Variants in RHOBTB1 observed in about 807,000 individuals in gnomAD.
The protein encoded by RHOBTB1 is rho-related BTB domain-containing protein 1.
RHOBTB1 carries 40 observed loss-of-function variants against 71.6 expected under a neutral mutation model. The ratio of observed to expected loss-of-function variants is 0.56; its 90% CI spans 0.43 to 0.73. RHOBTB1 has a LOEUF of 0.73. Among genes scored for constraint, RHOBTB1 ranks in the 30% least tolerant of loss-of-function variants. The pLI, the probability that RHOBTB1 is intolerant of heterozygous loss-of-function variation, is 0.00. For missense variants in RHOBTB1, 797 were observed against 894.0 expected (o/e 0.89, Z 1.38); for synonymous variants, 319 against 334.9 (o/e 0.95, Z 0.52).
At chr10:60,963,328 G>T (rs1014936748) in intron 2 of RHOBTB1, among the ~76,000 whole-genome samples, 2 of 152,098 alleles carry the variant, frequency 1.3e-5, no homozygotes, top group Non-Finnish European at 2.9e-5. Flanking sequence ...AATTTCAGAC[G>T]ATGAAAGTGA....
Position 60,878,048 on chromosome 10 carries a change from G to C in RHOBTB1, c.1586C>G (p.Pro529Arg), listed in dbSNP as rs776476395. ...TTGCATTGATATCTTGTTTATGTTC[G>C]GGAGATACACCTGAAATGTTATACA... is the stretch of plus-strand genomic sequence containing the variant. ...VESANSEVYLPNINKISMQAV... is the reference protein window; with the variant it reads ...VESANSEVYLRNINKISMQAV... The change falls in exon 8 of 11, where the codon CCG (proline) becomes CGG (arginine). Residue 529 changes from proline to arginine, a missense_variant. Around this residue, in one of 2 missense-constraint regions of RHOBTB1, gnomAD observed 658 missense variants for 681.5 expected, o/e 0.97. Coordinates refer to ENST00000337910, the MANE Select transcript of RHOBTB1 (RefSeq NM_014836.5). 1 of 1,610,164 alleles carries C rather than the reference G, an allele frequency of 6.2e-7. No homozygotes were observed. Among genetic ancestry groups the C allele is most frequent in the African/African-American group, 1.3e-5 (1 of 74,730 alleles).
At chr10:60,982,100 A>C (rs2086515581) in intron 2 of RHOBTB1, among the ~76,000 whole-genome samples, 1 of 152,038 alleles carries the variant, frequency 6.6e-6, no homozygotes, top group Non-Finnish European at 1.5e-5. Flanking sequence ...GTCTTTTTCT[A>C]TTTCTTCCAA....
At chr10:60,909,957 C>T (rs1376637294) in intron 4 of RHOBTB1, among the ~76,000 whole-genome samples, 4 of 152,164 alleles carry the variant, frequency 2.6e-5, no homozygotes, top group African/African-American at 9.7e-5. Flanking sequence ...CAAAGAGCTA[C>T]TGGCTTGTAG....
At chr10:60,910,779 A>G in intron 4 of RHOBTB1, 108 bp downstream of exon 4, 1 of 756,354 alleles carries the variant, frequency 1.3e-6, no homozygotes, top group Non-Finnish European at 2.3e-6. Context: ...AGAACCCAGC[A>G]CATTTCAAGG....
At chr10:60,953,952 G>A (rs886560689) in intron 2 of RHOBTB1, among the ~76,000 whole-genome samples, 4 of 137,796 alleles carry the variant, frequency 2.9e-5, no homozygotes, top group African/African-American at 1.1e-4. Context: ...TATATAAAGT[G>A]TAATTTTAAG....
rs1473875638 is a variant in RHOBTB1, at chr10:60,869,589, C to A, written c.*1893G>T. ...ACACTAGTGGATATTATTGCTTATA[C>A]CCCAAGTTCATTTATACATCCATTA... On this transcript the variant is annotated 3_prime_UTR_variant, in exon 11 of 11. Transcript: ENST00000337910. 1.3e-5 allele frequency: 2 copies of A among 152,594 alleles called. No individual in the cohort carries two copies. Among genetic ancestry groups the A allele is most frequent in the Admixed American group, 1.3e-4 (2 of 15,286 alleles). 9.5% of individuals were successfully genotyped at this position (152,594 alleles called of 1,614,324 possible).
chr10:60,915,289 C>T (rs771202814), intron 2 of RHOBTB1, among the ~76,000 whole-genome samples: 1 of 152,104 alleles, frequency 6.6e-6, no homozygotes, highest in Non-Finnish European at 1.5e-5. Context: ...TGGATAATGA[C>T]TGTCTGGTTT....
intron 1 of RHOBTB1, among the ~76,000 whole-genome samples, chr10:61,000,890 T>G (rs1250431543): frequency 6.6e-6 from 1 of 152,054 alleles, no homozygotes; most frequent in African/African-American, 2.4e-5. Flanking sequence ...GAAAAATCAA[T>G]CCCGCATCAC....
intron 2 of RHOBTB1, among the ~76,000 whole-genome samples, chr10:60,922,592 C>T (rs1298919580): frequency 1.3e-5 from 2 of 152,140 alleles, no homozygotes; most frequent in Admixed American, 6.5e-5. Flanking sequence ...CATTCTTCAC[C>T]ACAGATGCCC....
At chr10:60,888,171 C>A in intron 6 of RHOBTB1, 41 bp downstream of exon 6, 3 of 1,575,566 alleles carry the variant, frequency 1.9e-6, no homozygotes, top group African/African-American at 1.4e-5. Flanking sequence ...CAATGAAACA[C>A]AATCAAAGGT....
intron 2 of RHOBTB1, among the ~76,000 whole-genome samples, chr10:60,919,518 C>T (rs2083443679): frequency 6.6e-6 from 1 of 152,182 alleles, no homozygotes; most frequent in Admixed American, 6.5e-5. Context: ...GATGCAAGGG[C>T]TGGGCTGGAC....
At chr10:60,927,160 C>T (rs1197173360) in intron 2 of RHOBTB1, among the ~76,000 whole-genome samples, 1 of 152,032 alleles carries the variant, frequency 6.6e-6, no homozygotes, top group Non-Finnish European at 1.5e-5. Context: ...ATAAACTTAA[C>T]CAAAGAAGTG....
intron 2 of RHOBTB1, among the ~76,000 whole-genome samples, chr10:60,918,373 T>C (rs1190227777): frequency 6.6e-6 from 1 of 152,224 alleles, no homozygotes. Flanking sequence ...CATGGTGTTC[T>C]GTCCCTCTCT....
intron 8 of RHOBTB1, among the ~76,000 whole-genome samples, chr10:60,876,906 T>C (rs1340720841): frequency 1.3e-5 from 2 of 152,234 alleles, no homozygotes; most frequent in African/African-American, 2.4e-5. Context: ...GGTTGGTTTG[T>C]TCATACATTC....
chr10:60,957,289 C>A, intron 2 of RHOBTB1, among the ~76,000 whole-genome samples: 2 of 152,146 alleles, frequency 1.3e-5, no homozygotes, highest in Admixed American at 1.3e-4. Flanking sequence ...TTAATATGTT[C>A]TATACTTTTA....
intron 9 of RHOBTB1, 132 bp downstream of exon 9, chr10:60,874,822 A>C: frequency 1.5e-6 from 1 of 666,258 alleles, no homozygotes; most frequent in Non-Finnish European, 2.7e-6. Context: ...AGATCTTCTT[A>C]GTGTACACAG....
chr10:60,917,768 G>A (rs1272748387), intron 2 of RHOBTB1, among the ~76,000 whole-genome samples: 1 of 151,458 alleles, frequency 6.6e-6, no homozygotes, highest in Non-Finnish European at 1.5e-5. Flanking sequence ...CACTATCTCT[G>A]TGCCTATACA....
chr10:60,990,084 G>A (rs987512683), intron 1 of RHOBTB1, among the ~76,000 whole-genome samples: 6 of 148,786 alleles, frequency 4.0e-5, no homozygotes, highest in Non-Finnish European at 8.9e-5. Context: ...CTGAGTTCAT[G>A]CCATTCTCCT....
downstream of RHOBTB1, among the ~76,000 whole-genome samples, chr10:60,864,904 T>C (rs2080630253): frequency 6.6e-6 from 1 of 152,212 alleles, no homozygotes; most frequent in Non-Finnish European, 1.5e-5. Flanking sequence ...TTGGCCAAGC[T>C]GGTCTTGACC....
Sources: allele counts gnomAD v4.1 joint callset (sites outside exome capture counted in the v4.1 genomes callset), GRCh38; gene constraint gnomAD v4.1.1; regional missense constraint gnomAD v4.1.1; transcripts MANE v1.5; gene names NCBI Gene and HGNC (gene_info 2026-07-23, HGNC 2026-07-21).